The following PLCL1 variants were observed in gnomAD, a reference collection of about 807,000 sequenced individuals.
PLCL1 encodes inactive phospholipase C-like protein 1.
A neutral mutation model predicts 84.4 loss-of-function variants in PLCL1; 41 were observed. The observed-to-expected ratio is 0.49, with a 90% confidence interval of 0.38 to 0.63. The LOEUF is 0.63. PLCL1 is among the 30% of genes least tolerant of loss of function. PLCL1 has a pLI of 0.00. For missense variants in PLCL1, 1,206 were observed against 1,367.8 expected (o/e 0.88, Z 1.87); for synonymous variants, 490 against 488.3 (o/e 1.00, Z -0.05).
intron 5 of PLCL1, among the ~76,000 whole-genome samples, chr2:198,123,286 G>T (rs1693913446): frequency 6.6e-6 from 1 of 152,024 alleles, no homozygotes; most frequent in South Asian, 2.1e-4. Flanking sequence ...TTGCAACAGA[G>T]ATTGGAACAT....
chr2:198,112,297 C>T (rs867697906), intron 5 of PLCL1, among the ~76,000 whole-genome samples: 5 of 151,824 alleles, frequency 3.3e-5, no homozygotes, highest in East Asian at 1.9e-4. Flanking sequence ...TTGGGAATCA[C>T]GGAAGCAAAG....
intron 1 of PLCL1, among the ~76,000 whole-genome samples, chr2:197,959,437 A>T (rs1265535169): frequency 6.6e-6 from 1 of 152,036 alleles, no homozygotes; most frequent in Non-Finnish European, 1.5e-5. Flanking sequence ...CTTAAATGTG[A>T]ATCCCATCCA....
Position 197,931,542 on chromosome 2 carries a change from A to C in PLCL1, c.240+126203A>C, listed in dbSNP as rs138477710. 6.4e-4 allele frequency among the ~76,000 whole-genome samples: 98 copies of C among 152,238 alleles called. 4 individuals are homozygous for C. The South Asian group carries it at 0.014, about 22-fold the overall frequency. On this transcript the variant is annotated intron_variant, in intron 1 of 5. Transcript: ENST00000428675. ...CAGAAGCTACCAGTACCTTTATACAAATGATCTTGGTGGGGTTCCTGTCTT... is the reference window on the plus strand; with the variant it reads ...CAGAAGCTACCAGTACCTTTATACACATGATCTTGGTGGGGTTCCTGTCTT...
intron 1 of PLCL1, among the ~76,000 whole-genome samples, chr2:197,831,891 C>T (rs550703373): frequency 6.1e-4 from 93 of 152,054 alleles, no homozygotes; most frequent in African/African-American, 2.0e-3. Context: ...GGAAACTGAA[C>T]AACCTGAATG....
intron 3 of PLCL1, among the ~76,000 whole-genome samples, chr2:198,090,449 A>G (rs1692996916): frequency 6.6e-6 from 1 of 152,208 alleles, no homozygotes; most frequent in South Asian, 2.1e-4. Context: ...ATAATTGCAT[A>G]AAATAAACCT....
chr2:197,857,416 T>G lies in PLCL1; in HGVS notation c.240+52077T>G, dbSNP rs557325995. 5.3e-5 allele frequency among the ~76,000 whole-genome samples: 8 copies of G among 152,316 alleles called. No individual in the cohort carries two copies. In the East Asian group the frequency reaches 1.5e-3, roughly 29 times the overall value. ...TAAACCTTACACAGAAAGTTTGTTCTCTGATAGGCATAGGTACACTGAATA... is the reference window on the plus strand; with the variant it reads ...TAAACCTTACACAGAAAGTTTGTTCGCTGATAGGCATAGGTACACTGAATA... On this transcript the variant is annotated intron_variant, in intron 1 of 5. Transcript: ENST00000428675.
At chr2:198,046,175 C>T (rs567387436) in intron 1 of PLCL1, among the ~76,000 whole-genome samples, 4 of 152,258 alleles carry the variant, frequency 2.6e-5, no homozygotes, top group African/African-American at 7.2e-5. Flanking sequence ...TGCTTTCATG[C>T]TACAGTGGCA....
rs1173993073 is a variant in PLCL1 at position 197,992,930 on chromosome 2, C to T, written c.241-90828C>T. The stretch of plus-strand genomic sequence containing the variant: ...CATCTTTTGAAGGGTACTTGGGTTA[C>T]TTCCATCTTTTAGCTGTTACTAATA... On this transcript the variant is annotated intron_variant, in intron 1 of 5. Transcript: ENST00000428675. 2.0e-5 allele frequency among the ~76,000 whole-genome samples: 3 copies of T among 152,182 alleles called. No individual in the cohort carries two copies. The East Asian group carries it at 5.8e-4, about 29-fold the overall frequency.
chr2:198,109,707 TA>T (rs766488527), intron 5 of PLCL1, among the ~76,000 whole-genome samples: 30 of 151,988 alleles, frequency 2.0e-4, no homozygotes, highest in South Asian at 1.2e-3. Context: ...TTTGACTTTT[TA>T]AGTACAAAAA....
intron 1 of PLCL1, among the ~76,000 whole-genome samples, chr2:198,010,377 G>C (rs1415888265): frequency 6.6e-6 from 1 of 151,990 alleles, no homozygotes; most frequent in Non-Finnish European, 1.5e-5. Context: ...TATCATGAAA[G>C]CATGTTGAAT....
chr2:197,862,656 T>C (rs1687453754), intron 1 of PLCL1, among the ~76,000 whole-genome samples: 1 of 152,184 alleles, frequency 6.6e-6, no homozygotes, highest in South Asian at 2.1e-4. Context: ...GTTGTAATAG[T>C]TTAAATCCCT....
chr2:197,835,089 A>C (rs997670817), intron 1 of PLCL1, among the ~76,000 whole-genome samples: 1 of 152,238 alleles, frequency 6.6e-6, no homozygotes. Flanking sequence ...CATAAGTGTG[A>C]GTTGAACAAT....
At chr2:198,101,391 T>C (rs748019843) in intron 4 of PLCL1, 31 bp downstream of exon 4, 1 of 1,218,568 alleles carries the variant, frequency 8.2e-7, no homozygotes, top group East Asian at 2.4e-5. Flanking sequence ...TTTCTGTTTT[T>C]TTTTTCTATT....
intron 5 of PLCL1, among the ~76,000 whole-genome samples, chr2:198,129,668 C>CT (rs1008948163): frequency 1.3e-5 from 2 of 152,124 alleles, no homozygotes; most frequent in African/African-American, 2.4e-5. Context: ...ATTTGGCTTG[C>CT]TTTTTTCATC....
intron 1 of PLCL1, among the ~76,000 whole-genome samples, chr2:198,018,325 T>A (rs1691048737): frequency 6.6e-6 from 1 of 152,128 alleles, no homozygotes; most frequent in East Asian, 1.9e-4. Flanking sequence ...GACATCGAAC[T>A]AGCTGCAGGA....
At chr2:197,925,246 G>A (rs148556428) in intron 1 of PLCL1, among the ~76,000 whole-genome samples, 36 of 152,278 alleles carry the variant, frequency 2.4e-4, no homozygotes, top group African/African-American at 8.2e-4. Flanking sequence ...AAAATTTTCA[G>A]AGTTGTGAGG....
intron 1 of PLCL1, among the ~76,000 whole-genome samples, chr2:198,024,403 A>T (rs1056601142): frequency 2.8e-5 from 4 of 144,100 alleles, no homozygotes; most frequent in African/African-American, 1.0e-4. Context: ...ATAATAATTT[A>T]AAAAAAGGAA....
At chr2:197,950,692 A>T (rs1689372735) in intron 1 of PLCL1, among the ~76,000 whole-genome samples, 1 of 152,162 alleles carries the variant, frequency 6.6e-6, no homozygotes, top group African/African-American at 2.4e-5. Context: ...TAATAGAATT[A>T]AAAAATATAT....
intron 1 of PLCL1, among the ~76,000 whole-genome samples, chr2:198,076,368 G>A (rs186474133): frequency 8.4e-4 from 128 of 152,252 alleles, no homozygotes; most frequent in African/African-American, 2.7e-3. Context: ...GCTTTAGTGC[G>A]TTTTATTAAA....
Sources: gnomAD v4.1 joint callset for allele counts (sites outside exome capture counted in the v4.1 genomes callset) on GRCh38, gnomAD v4.1.1 for gene constraint, MANE v1.5 for transcripts, NCBI Gene and HGNC (gene_info 2026-07-23, HGNC 2026-07-21) for gene names.